Variants in CSMD1 observed in about 807,000 individuals in gnomAD.
The protein encoded by CSMD1 is CUB and Sushi multiple domains 1.
Under a neutral mutation model 417.5 loss-of-function variants are expected in CSMD1, and 213 were observed. The ratio of observed to expected loss-of-function variants is 0.51; its 90% CI spans 0.46 to 0.57. The LOEUF is 0.57. Among genes scored for constraint, CSMD1 ranks in the 20% least tolerant of loss-of-function variants. CSMD1 has a pLI of 0.00. For synonymous variants in CSMD1, 2,862 were observed against 1,736.8 expected, an observed-to-expected ratio of 1.65 and a Z score of -16.11; for missense variants, 6,923 against 4,529.7, an observed-to-expected ratio of 1.53 and a Z score of -15.17.
At chr8:4,274,903 G>C (rs775884186) in intron 3 of CSMD1, among the ~76,000 whole-genome samples, 2 of 152,138 alleles carry the variant, frequency 1.3e-5, no homozygotes, top group East Asian at 3.8e-4. Context: ...AGATATTCCA[G>C]AAGGAAATGT....
chr8:4,903,918 T>A (rs972865702), intron 1 of CSMD1, among the ~76,000 whole-genome samples: 4 of 152,268 alleles, frequency 2.6e-5, no homozygotes, highest in Admixed American at 1.3e-4. Context: ...TTGAAGACTA[T>A]ATTTCCTTGA....
At chr8:3,439,615 C>G (rs1009596990) in intron 12 of CSMD1, among the ~76,000 whole-genome samples, 47 of 151,286 alleles carry the variant, frequency 3.1e-4, no homozygotes, top group African/African-American at 1.0e-3. Flanking sequence ...TTTTCAAGTT[C>G]TTTATATGAT....
chr8:4,692,611 G>A (rs976364945), intron 1 of CSMD1, among the ~76,000 whole-genome samples: 5 of 152,160 alleles, frequency 3.3e-5, no homozygotes, highest in Admixed American at 6.5e-5. Context: ...TGCAGGCAAA[G>A]CCATGTGGGG....
chr8:3,359,380 G>T (rs1167542138), intron 20 of CSMD1, 40 bp from the exon 21 acceptor site: 2 of 1,469,704 alleles, frequency 1.4e-6, no homozygotes. Context: ...TGAGGATTTG[G>T]GTAAATACAC....
At chr8:4,037,177 A>G (rs537103618) in intron 3 of CSMD1, among the ~76,000 whole-genome samples, 1 of 152,374 alleles carries the variant, frequency 6.6e-6, no homozygotes, top group Admixed American at 6.5e-5. Context: ...GTTCAATATT[A>G]GAAGTGTTTT....
chr8:3,681,109 T>C (rs1166716223), intron 7 of CSMD1, among the ~76,000 whole-genome samples: 1 of 152,184 alleles, frequency 6.6e-6, no homozygotes. Flanking sequence ...ACTGGAAGCA[T>C]TCCCTTTGAA....
At chr8:3,524,350 G>C (rs534203518) in intron 10 of CSMD1, among the ~76,000 whole-genome samples, 9 of 147,130 alleles carry the variant, frequency 6.1e-5, no homozygotes, top group African/African-American at 1.8e-4. Context: ...TGCACACCCA[G>C]AAAGACAGGC....
intron 7 of CSMD1, among the ~76,000 whole-genome samples, chr8:3,683,670 G>A (rs997649369): frequency 2.0e-5 from 3 of 152,112 alleles, no homozygotes; most frequent in Non-Finnish European, 2.9e-5. Flanking sequence ...TATCCTGTGA[G>A]GTTGTCATCT....
chr8:3,216,051 ATATATAT>A (rs1301199567), intron 29 of CSMD1, among the ~76,000 whole-genome samples: 1 of 148,884 alleles, frequency 6.7e-6, no homozygotes, highest in African/African-American at 2.4e-5. Flanking sequence ...ATCTATATTA[ATATATAT>A]TATATATATA....
At chr8:3,350,573 ATAAT>A (rs1178569804) in intron 21 of CSMD1, among the ~76,000 whole-genome samples, 5 of 152,204 alleles carry the variant, frequency 3.3e-5, no homozygotes, top group Non-Finnish European at 2.9e-5. Context: ...ACTACTGTTC[ATAAT>A]TAATAATAAA....
chr8:4,128,941 T>G (rs1187265316), intron 3 of CSMD1, among the ~76,000 whole-genome samples: 11 of 152,034 alleles, frequency 7.2e-5, no homozygotes, highest in African/African-American at 4.8e-5. Flanking sequence ...CCGGGCATGG[T>G]GGCATGTGCC....
At chr8:3,992,741 A>G (rs1472408118) in intron 5 of CSMD1, among the ~76,000 whole-genome samples, 1 of 152,256 alleles carries the variant, frequency 6.6e-6, no homozygotes, top group Non-Finnish European at 1.5e-5. Flanking sequence ...TGACAGCACC[A>G]CTGTACTCCA....
At chr8:3,400,353 A>G (rs937119800) in intron 15 of CSMD1, among the ~76,000 whole-genome samples, 1 of 152,180 alleles carries the variant, frequency 6.6e-6, no homozygotes, top group East Asian at 1.9e-4. Context: ...GTACGTGAAA[A>G]TACTCCAAGG....
chr8:3,219,442 A>T lies in CSMD1; in HGVS notation c.4485T>A (p.Ser1495Arg). The T allele has an allele frequency of 6.8e-7, 1 of 1,472,204 alleles. No individual in the cohort carries two copies. Among genetic ancestry groups the T allele is most frequent in the Non-Finnish European group, 9.0e-7 (1 of 1,110,534 alleles). The allele number at this position is 1,472,204 out of a possible 1,614,324, so 91.2% of individuals were successfully genotyped here. A position where few individuals can be genotyped will look rare whatever the true frequency, so the allele number is the denominator to read the frequency against. The change falls in exon 29 of 70, where the codon AGT becomes AGA. Residue 1495 changes from serine to arginine, a missense_variant and splice_region_variant. By Grantham distance (110) the Ser-to-Arg change is moderately radical. Coordinates refer to ENST00000635120, the MANE Select transcript of CSMD1 (RefSeq NM_033225.6). ...AGTCATAGCTGGGCTCCATGTTGAA[A>T]CTAAAGAAAAGAATAGTAATTATGT... ...PDFVIALIFK[S>R]FNMEPSYDFL...
chr8:4,701,110 A>G (rs1807506789), intron 1 of CSMD1, among the ~76,000 whole-genome samples: 1 of 152,020 alleles, frequency 6.6e-6, no homozygotes, highest in Non-Finnish European at 1.5e-5. Flanking sequence ...TGAAAGGTGA[A>G]TGTTGCAACT....
chr8:3,525,511 G>C (rs1295779048), intron 10 of CSMD1, among the ~76,000 whole-genome samples: 4 of 152,176 alleles, frequency 2.6e-5, no homozygotes, highest in African/African-American at 9.7e-5. Flanking sequence ...GCAGTACCCT[G>C]ACACTGATTT....
intron 7 of CSMD1, among the ~76,000 whole-genome samples, chr8:3,621,569 C>A (rs1242370782): frequency 6.6e-6 from 1 of 151,940 alleles, no homozygotes; most frequent in Non-Finnish European, 1.5e-5. Flanking sequence ...CACAGAAATG[C>A]ATGGTTTTTA....
At chr8:4,863,266 T>C (rs1802239057) in intron 1 of CSMD1, among the ~76,000 whole-genome samples, 1 of 152,074 alleles carries the variant, frequency 6.6e-6, no homozygotes, top group Admixed American at 6.5e-5. Flanking sequence ...AGAATACATA[T>C]ACAAATTTTT....
In CSMD1 at chr8:4,446,116, T is replaced by C. The variant is rs1309756780; in HGVS notation, c.303-26051A>G. 7.2e-5 allele frequency among the ~76,000 whole-genome samples: 11 copies of C among 152,344 alleles called. No individual in the cohort carries two copies. The East Asian group carries it at 1.9e-3, about 27-fold the overall frequency. ...CACTGTAGACAGCAAGTTGTGATTTTGTTGTTACATTCGTTACATACGTGA... is the reference window on the plus strand; with the variant it reads ...CACTGTAGACAGCAAGTTGTGATTTCGTTGTTACATTCGTTACATACGTGA... On this transcript the variant is annotated intron_variant, in intron 2 of 69. Transcript: ENST00000635120.
Sources: gnomAD v4.1 joint callset for allele counts (sites outside exome capture counted in the v4.1 genomes callset) on GRCh38, gnomAD v4.1.1 for gene constraint, MANE v1.5 for transcripts, NCBI Gene and HGNC (gene_info 2026-07-23, HGNC 2026-07-21) for gene names.